The following PDE1C variants were observed in gnomAD, a reference collection of about 807,000 sequenced individuals.
PDE1C encodes phosphodiesterase 1C.
PDE1C carries 62 observed loss-of-function variants against 93.1 expected under a neutral mutation model. That is an observed-to-expected ratio of 0.67 (90% CI 0.54 to 0.82). The LOEUF (loss-of-function observed/expected upper bound fraction) is 0.82. PDE1C is among the 40% of genes least tolerant of loss of function. PDE1C has a pLI of 0.00. For missense variants in PDE1C, 742 were observed against 884.6 expected, an observed-to-expected ratio of 0.84 and a Z score of 2.04; for synonymous variants, 325 against 310.1, an observed-to-expected ratio of 1.05 and a Z score of -0.50.
chr7:32,265,030 T>C (rs1810465428), intron 1 of PDE1C, among the ~76,000 whole-genome samples: 1 of 152,184 alleles, frequency 6.6e-6, no homozygotes, highest in Admixed American at 6.5e-5. Context: ...GTGATAGAAC[T>C]CACTCAGAAA....
At chr7:32,234,368 G>T (rs1367087354) in intron 1 of PDE1C, among the ~76,000 whole-genome samples, 1 of 151,840 alleles carries the variant, frequency 6.6e-6, no homozygotes, top group African/African-American at 2.4e-5. Context: ...GGCAAAACCT[G>T]AAGACAGCAA....
At chr7:31,646,012 C>G in the PDE1C span, among the ~76,000 whole-genome samples, 1 of 152,076 alleles carries the variant, frequency 6.6e-6, no homozygotes. Flanking sequence ...ATATTAAATC[C>G]TAGAATTAGG....
intron 6 of PDE1C, among the ~76,000 whole-genome samples, chr7:31,866,322 C>T (rs375710907): frequency 1.3e-5 from 2 of 152,090 alleles, no homozygotes; most frequent in African/African-American, 4.8e-5. Context: ...TAAAATACAA[C>T]CTTTAAGAGG....
intron 3 of PDE1C, among the ~76,000 whole-genome samples, chr7:32,123,699 C>T (rs1198721165): frequency 1.3e-5 from 2 of 152,120 alleles, no homozygotes; most frequent in Admixed American, 1.3e-4. Flanking sequence ...ATTGATTGAA[C>T]ATATCTCAAA....
At chr7:32,197,101 T>G (rs1451065276) in intron 2 of PDE1C, among the ~76,000 whole-genome samples, 1 of 152,202 alleles carries the variant, frequency 6.6e-6, no homozygotes, top group East Asian at 1.9e-4. Flanking sequence ...TAAGTATGCT[T>G]CCTTCAACTA....
At chr7:32,399,581 C>CT (rs34748013) in intron 1 of PDE1C, among the ~76,000 whole-genome samples, 58,716 of 117,340 alleles carry the variant, frequency 0.5, 15,892 homozygotes, top group East Asian at 0.9. Flanking sequence ...CTTCATTTAA[C>CT]TTTTTTTTTT....
chr7:32,389,198 T>C (rs940865017), intron 1 of PDE1C, among the ~76,000 whole-genome samples: 5 of 41,472 alleles, frequency 1.2e-4, no homozygotes, highest in Admixed American at 7.7e-4. Context: ...GTGGTTTTTT[T>C]GGTTTTTGTT....
At chr7:32,133,369 C>T (rs1800027331) in intron 3 of PDE1C, among the ~76,000 whole-genome samples, 2 of 152,240 alleles carry the variant, frequency 1.3e-5, no homozygotes, top group South Asian at 4.2e-4. Context: ...GTCACCAGTA[C>T]AGAGTAAATT....
At chr7:31,747,634 C>G (rs148342486), downstream of PDE1C, among the ~76,000 whole-genome samples, 14 of 152,242 alleles carry the variant, frequency 9.2e-5, no homozygotes, top group African/African-American at 3.1e-4. Context: ...TTACTTATCA[C>G]TTACATCAGT....
intron 2 of PDE1C, among the ~76,000 whole-genome samples, chr7:31,930,537 A>T (rs1293611085): frequency 6.6e-6 from 1 of 152,156 alleles, no homozygotes; most frequent in South Asian, 2.1e-4. Context: ...TGAAACCAGC[A>T]GCATATCAAA....
At chr7:32,153,836 G>A (rs1014399639) in intron 3 of PDE1C, among the ~76,000 whole-genome samples, 9 of 152,148 alleles carry the variant, frequency 5.9e-5, no homozygotes, top group African/African-American at 2.2e-4. Context: ...AATTTGTTTG[G>A]TCGCCTTATT....
At chr7:31,757,566 T>A (rs529090928) in intron 17 of PDE1C, among the ~76,000 whole-genome samples, 2 of 152,222 alleles carry the variant, frequency 1.3e-5, no homozygotes, top group South Asian at 4.1e-4. Context: ...TCACTGGCCA[T>A]CAGAGAAATG....
At chr7:32,322,330 G>A (rs565350091) in intron 1 of PDE1C, among the ~76,000 whole-genome samples, 32 of 152,308 alleles carry the variant, frequency 2.1e-4, no homozygotes, top group African/African-American at 7.5e-4. Flanking sequence ...CAGGCACAGT[G>A]ACCTACATGC....
intron 2 of PDE1C, among the ~76,000 whole-genome samples, chr7:32,039,386 G>A (rs754352514): frequency 6.6e-6 from 1 of 152,136 alleles, no homozygotes; most frequent in East Asian, 1.9e-4. Context: ...TGCTCACATC[G>A]GGTTCTCACA....
intron 3 of PDE1C, among the ~76,000 whole-genome samples, chr7:32,080,449 C>A (rs1442215193): frequency 1.3e-5 from 2 of 152,178 alleles, no homozygotes; most frequent in Non-Finnish European, 2.9e-5. Context: ...CAGACATGGA[C>A]ACAAACTTGA....
intron 2 of PDE1C, among the ~76,000 whole-genome samples, chr7:32,205,577 C>CA (rs1288161622): frequency 6.8e-6 from 1 of 147,478 alleles, no homozygotes; most frequent in Non-Finnish European, 1.5e-5. Flanking sequence ...TGGGTGGAGC[C>CA]AAAAAAGAGA....
At chr7:31,646,419 C>T in the PDE1C span, among the ~76,000 whole-genome samples, 1 of 152,100 alleles carries the variant, frequency 6.6e-6, no homozygotes, top group Non-Finnish European at 1.5e-5. Flanking sequence ...AGGATTGCAG[C>T]TTCTCCGAGG....
At chr7:31,795,204 G>A (rs1215212328) in intron 16 of PDE1C, among the ~76,000 whole-genome samples, 1 of 151,864 alleles carries the variant, frequency 6.6e-6, no homozygotes, top group Non-Finnish European at 1.5e-5. Flanking sequence ...TGTAGATAGT[G>A]TTAAGTTCTG....
chr7:31,824,267 G>T (rs1424242669), intron 13 of PDE1C, among the ~76,000 whole-genome samples: 1 of 152,030 alleles, frequency 6.6e-6, no homozygotes, highest in Non-Finnish European at 1.5e-5. Flanking sequence ...CTGTTGTAAG[G>T]TTTAACATAT....
Sources: allele counts gnomAD v4.1 joint callset (sites outside exome capture counted in the v4.1 genomes callset), GRCh38; gene constraint gnomAD v4.1.1; transcripts MANE v1.5; gene names NCBI Gene and HGNC (gene_info 2026-07-23, HGNC 2026-07-21).